The following BEND6 variants were observed in gnomAD, a reference collection of about 807,000 sequenced individuals.
BEND6 encodes BEN domain-containing protein 6.
A neutral mutation model predicts 31.8 loss-of-function variants in BEND6; 24 were observed. The ratio of observed to expected loss-of-function variants is 0.75; its 90% CI spans 0.55 to 1.06. The LOEUF is 1.06. BEND6 is among the 50% of genes least tolerant of loss of function. The pLI is 0.00. For missense variants in BEND6, 294 were observed against 327.4 expected (o/e 0.90, Z 0.79); for synonymous variants, 109 against 114.6 (o/e 0.95, Z 0.31).
chr6:56,975,387 C>A (rs1484199024), intron 1 of BEND6, among the ~76,000 whole-genome samples: 1 of 152,006 alleles, frequency 6.6e-6, no homozygotes, highest in African/African-American at 2.4e-5. Flanking sequence ...ATCAATAGGT[C>A]AGCAGGGAAA....
At chr6:56,993,000 A>T (rs1020785961) in intron 3 of BEND6, among the ~76,000 whole-genome samples, 1 of 152,220 alleles carries the variant, frequency 6.6e-6, no homozygotes, top group Non-Finnish European at 1.5e-5. Context: ...TAGAGTCCAT[A>T]TAGTACATTT....
chr6:56,968,312 C>CTTTTT (rs779756084), intron 1 of BEND6, among the ~76,000 whole-genome samples: 46 of 65,980 alleles, frequency 7.0e-4, no homozygotes, highest in Admixed American at 1.5e-3. Context: ...TCTTTCTTTT[C>CTTTTT]TTTTTTTTTT....
chr6:56,955,864 C>CT (rs1479499919), intron 1 of BEND6, among the ~76,000 whole-genome samples: 4 of 152,226 alleles, frequency 2.6e-5, no homozygotes, highest in African/African-American at 9.6e-5. Context: ...CAGGCACACT[C>CT]TGTCTCCCCT....
At chr6:56,984,632 C>A (rs548208535) in intron 2 of BEND6, among the ~76,000 whole-genome samples, 7 of 152,262 alleles carry the variant, frequency 4.6e-5, no homozygotes, top group African/African-American at 7.2e-5. Flanking sequence ...ACCACAATTT[C>A]TTTTTTGTTC....
intron 1 of BEND6, among the ~76,000 whole-genome samples, chr6:56,981,342 C>T (rs577662536): frequency 3.3e-5 from 5 of 152,218 alleles, no homozygotes; most frequent in South Asian, 4.1e-4. Context: ...CTATTATTAA[C>T]GTCTTTTTCC....
intron 2 of BEND6, among the ~76,000 whole-genome samples, chr6:56,987,096 G>A (rs953796506): frequency 1.3e-5 from 2 of 150,162 alleles, no homozygotes; most frequent in East Asian, 3.9e-4. Context: ...TCGTGCCTCA[G>A]CCTCCCAAGT....
chr6:57,024,746 C>G (rs1198535282), intron 6 of BEND6, among the ~76,000 whole-genome samples: 1 of 152,146 alleles, frequency 6.6e-6, no homozygotes, highest in Non-Finnish European at 1.5e-5. Context: ...ATATTTAGCT[C>G]TTCCTCAAGT....
chr6:56,961,498 C>A (rs1168332533), intron 1 of BEND6, among the ~76,000 whole-genome samples: 6 of 152,086 alleles, frequency 3.9e-5, no homozygotes, highest in African/African-American at 1.4e-4. Context: ...AATCTAGGAC[C>A]ACTTCCATAG....
At chr6:57,005,157 A>AAATC (rs1458547531) in intron 3 of BEND6, among the ~76,000 whole-genome samples, 1 of 152,152 alleles carries the variant, frequency 6.6e-6, no homozygotes, top group East Asian at 1.9e-4. Flanking sequence ...ATAAAATAAT[A>AAATC]AATCACTGGC....
intron 1 of BEND6, among the ~76,000 whole-genome samples, chr6:56,965,767 A>C (rs1328746438): frequency 6.6e-6 from 1 of 150,964 alleles, no homozygotes; most frequent in Non-Finnish European, 1.5e-5. Context: ...ATCTTTTCAT[A>C]TTATAATTGA....
intron 5 of BEND6, 49 bp from the exon 6 acceptor site, chr6:57,018,372 T>C: frequency 6.5e-7 from 1 of 1,545,128 alleles, no homozygotes; most frequent in Non-Finnish European, 8.7e-7. Flanking sequence ...TACCCTAAGA[T>C]GCAAAGCACT....
chr6:56,960,280 C>T (rs569904965), intron 1 of BEND6, among the ~76,000 whole-genome samples: 11 of 149,886 alleles, frequency 7.3e-5, no homozygotes, highest in East Asian at 6.1e-4. Flanking sequence ...ATTATTATTC[C>T]GATGGTATAA....
intron 1 of BEND6, among the ~76,000 whole-genome samples, chr6:56,964,895 G>C (rs1825415316): frequency 6.6e-6 from 1 of 152,046 alleles, no homozygotes; most frequent in Admixed American, 6.6e-5. Flanking sequence ...AGCTTCCTGG[G>C]CCTCAGCTGG....
chr6:57,001,972 A>C (rs1161833426), intron 3 of BEND6, among the ~76,000 whole-genome samples: 2 of 152,192 alleles, frequency 1.3e-5, no homozygotes, highest in Non-Finnish European at 2.9e-5. Context: ...AAGCAAGTAG[A>C]CCTCATATGT....
chr6:57,025,560 C>T (rs1827874133), intron 6 of BEND6, among the ~76,000 whole-genome samples: 1 of 152,184 alleles, frequency 6.6e-6, no homozygotes, highest in Non-Finnish European at 1.5e-5. Flanking sequence ...GATCCATGCT[C>T]AGGGGACCTG....
intron 3 of BEND6, among the ~76,000 whole-genome samples, chr6:57,013,501 T>C (rs1827419514): frequency 6.6e-6 from 1 of 152,222 alleles, no homozygotes; most frequent in South Asian, 2.1e-4. Context: ...TGACTGCACA[T>C]GTGGTTGAAC....
chr6:56,997,634 A>C (rs1826772238), intron 3 of BEND6, among the ~76,000 whole-genome samples: 1 of 152,164 alleles, frequency 6.6e-6, no homozygotes, highest in Non-Finnish European at 1.5e-5. Flanking sequence ...GCTCACTGCA[A>C]GCTCCGCCTC....
intron 2 of BEND6, among the ~76,000 whole-genome samples, chr6:56,987,932 G>A (rs1408980056): frequency 1.3e-5 from 2 of 151,454 alleles, no homozygotes; most frequent in Admixed American, 6.6e-5. Context: ...ATAAGCATAT[G>A]TTTTCAAATA....
At chr6:56,977,377 GA>G (rs1054187459) in intron 1 of BEND6, among the ~76,000 whole-genome samples, 4 of 151,570 alleles carry the variant, frequency 2.6e-5, no homozygotes, top group Non-Finnish European at 4.4e-5. Flanking sequence ...TAGCCTTTGT[GA>G]AAAAAAACTG....
Sources: gnomAD v4.1 joint callset for allele counts (sites outside exome capture counted in the v4.1 genomes callset) on GRCh38, gnomAD v4.1.1 for gene constraint, MANE v1.5 for transcripts, NCBI Gene and HGNC (gene_info 2026-07-23, HGNC 2026-07-21) for gene names.